Variants in IGSF11 observed in about 807,000 individuals in gnomAD.
IGSF11 encodes immunoglobulin superfamily member 11, also known as CXADR like 1.
Under a neutral mutation model 41.0 loss-of-function variants are expected in IGSF11, and 22 were observed. The ratio of observed to expected loss-of-function variants is 0.54; its 90% CI spans 0.38 to 0.77. The LOEUF (loss-of-function observed/expected upper bound fraction) is 0.77. Ranked by LOEUF, IGSF11 falls within the 30% of genes least tolerant of loss-of-function variation. The pLI is 0.00. For synonymous variants in IGSF11, 219 were observed against 201.3 expected (o/e 1.09, Z -0.74); for missense variants, 444 against 530.8 (o/e 0.84, Z 1.61).
At chr3:118,903,529 C>T (rs1939181730) in intron 6 of IGSF11, among the ~76,000 whole-genome samples, 2 of 152,048 alleles carry the variant, frequency 1.3e-5, no homozygotes, top group South Asian at 2.1e-4. Flanking sequence ...TTGTATTACC[C>T]TTTGGAGTTT....
intron 1 of IGSF11, among the ~76,000 whole-genome samples, chr3:118,949,542 C>G (rs565896962): frequency 6.6e-6 from 1 of 152,252 alleles, no homozygotes; most frequent in South Asian, 2.1e-4. Flanking sequence ...AACAATGAAG[C>G]ATGCATAGCT....
rs1422180116 is a variant in IGSF11 at position 118,901,780 on chromosome 3, T to C, written c.*740A>G. ...AAAAAAAAAGCCTTTTATAAAAAAA[T>C]ATTTTTCCAGGAAAAAATAAACAGT... is the stretch of plus-strand genomic sequence containing the variant. On this transcript the variant is annotated 3_prime_UTR_variant, in exon 7 of 7. Coordinates refer to ENST00000393775, the MANE Select transcript of IGSF11 (RefSeq NM_001015887.3). 1 of 150,642 alleles carries C rather than the reference T, an allele frequency of 6.6e-6. No individual in the cohort carries two copies. Among genetic ancestry groups the C allele is most frequent in the Non-Finnish European group, 1.5e-5 (1 of 67,666 alleles). 9.3% of individuals were successfully genotyped at this position (150,642 alleles called of 1,614,324 possible). A position where few individuals can be genotyped will look rare whatever the true frequency, so the allele number is the denominator to read the frequency against.
At chr3:118,934,243 C>A (rs1389917073) in intron 1 of IGSF11, among the ~76,000 whole-genome samples, 2 of 152,160 alleles carry the variant, frequency 1.3e-5, no homozygotes, top group African/African-American at 2.4e-5. Flanking sequence ...TTCCCAGATA[C>A]CTCCTTGTGG....
At chr3:119,092,322 T>C (rs2107495883) in intron 1 of IGSF11, among the ~76,000 whole-genome samples, 1 of 152,268 alleles carries the variant, frequency 6.6e-6, no homozygotes, top group East Asian at 1.9e-4. Flanking sequence ...CTAAGTGGTA[T>C]ACAGTGTTTC....
chr3:119,106,147 T>C (rs1422522205), upstream of IGSF11, among the ~76,000 whole-genome samples: 5 of 152,190 alleles, frequency 3.3e-5, no homozygotes, highest in Non-Finnish European at 7.4e-5. Flanking sequence ...CAATGTACAA[T>C]AATAACATCA....
At chr3:119,090,773 A>G (rs1244153636) in intron 1 of IGSF11, among the ~76,000 whole-genome samples, 1 of 152,248 alleles carries the variant, frequency 6.6e-6, no homozygotes, top group African/African-American at 2.4e-5. Context: ...TCCTCAAACT[A>G]TAGAAATCCT....
chr3:119,083,007 G>C (rs16829334), intron 1 of IGSF11, among the ~76,000 whole-genome samples: 1 of 152,036 alleles, frequency 6.6e-6, no homozygotes, highest in African/African-American at 2.4e-5. Flanking sequence ...AATGAAGAAG[G>C]CTAAATTGAC....
At chr3:119,083,489 C>A (rs1321959351) in intron 1 of IGSF11, among the ~76,000 whole-genome samples, 1 of 146,508 alleles carries the variant, frequency 6.8e-6, no homozygotes, top group Non-Finnish European at 1.5e-5. Context: ...AGAACAAACA[C>A]TCTTACCACA....
chr3:119,118,524 T>C (rs2077290604), intron 1 of IGSF11, among the ~76,000 whole-genome samples: 2 of 152,214 alleles, frequency 1.3e-5, no homozygotes, highest in Admixed American at 1.3e-4. Flanking sequence ...AATCATTTTT[T>C]CCTCCTAGGC....
At chr3:119,099,587 A>AC (rs1232101946) in intron 1 of IGSF11, among the ~76,000 whole-genome samples, 1 of 152,242 alleles carries the variant, frequency 6.6e-6, no homozygotes, top group Non-Finnish European at 1.5e-5. Context: ...GTAAACTACT[A>AC]CACATGAGTA....
chr3:118,954,783 CTTGA>C (rs1394220404), intron 1 of IGSF11, among the ~76,000 whole-genome samples: 2 of 151,990 alleles, frequency 1.3e-5, no homozygotes, highest in East Asian at 3.8e-4. Flanking sequence ...GAAGTTATTC[CTTGA>C]TTGATAGACC....
intron 1 of IGSF11, among the ~76,000 whole-genome samples, chr3:119,121,610 G>A (rs1333873189): frequency 6.6e-6 from 1 of 151,822 alleles, no homozygotes; most frequent in Non-Finnish European, 1.5e-5. Flanking sequence ...GCAAAACAGA[G>A]GCCCAAGAAA....
At chr3:119,046,285 A>G (rs1329839628) in intron 1 of IGSF11, among the ~76,000 whole-genome samples, 1 of 151,262 alleles carries the variant, frequency 6.6e-6, no homozygotes, top group Non-Finnish European at 1.5e-5. Context: ...TAACCAATAC[A>G]GAGAAGTGCT....
chr3:119,123,360 T>G (rs2077358745), intron 1 of IGSF11, among the ~76,000 whole-genome samples: 1 of 152,092 alleles, frequency 6.6e-6, no homozygotes, highest in Non-Finnish European at 1.5e-5. Flanking sequence ...TGTCTAAGGT[T>G]TTTTACTCCA....
chr3:119,056,891 A>G (rs1941862877), intron 1 of IGSF11, among the ~76,000 whole-genome samples: 1 of 152,234 alleles, frequency 6.6e-6, no homozygotes, highest in Non-Finnish European at 1.5e-5. Flanking sequence ...ATCTCAATAG[A>G]TGCAGAAAAG....
At chr3:119,144,425 T>C (rs992595277) in intron 1 of IGSF11, among the ~76,000 whole-genome samples, 15 of 152,216 alleles carry the variant, frequency 9.9e-5, no homozygotes, top group Non-Finnish European at 2.2e-4. Flanking sequence ...TAATATATTT[T>C]AAAAGATTGA....
At chr3:119,101,102 T>C (rs2076932845) in intron 1 of IGSF11, among the ~76,000 whole-genome samples, 4 of 152,226 alleles carry the variant, frequency 2.6e-5, no homozygotes, top group Admixed American at 2.6e-4. Context: ...ATCCATCCAC[T>C]TCTCTCCGTG....
chr3:119,014,410 A>G (rs1394608733), intron 1 of IGSF11, among the ~76,000 whole-genome samples: 1 of 152,194 alleles, frequency 6.6e-6, no homozygotes, highest in African/African-American at 2.4e-5. Flanking sequence ...CACATATACT[A>G]TTTATACATA....
At chr3:118,969,762 G>A (rs879339884) in intron 1 of IGSF11, among the ~76,000 whole-genome samples, 16 of 152,264 alleles carry the variant, frequency 1.1e-4, no homozygotes, top group Middle Eastern at 6.8e-3. Context: ...TTCCTCATGG[G>A]CGCATCTAAA....
Sources: allele counts gnomAD v4.1 joint callset (sites outside exome capture counted in the v4.1 genomes callset), GRCh38; gene constraint gnomAD v4.1.1; transcripts MANE v1.5; gene names NCBI Gene and HGNC (gene_info 2026-07-23, HGNC 2026-07-21).